EVL: variants seen among roughly 807,000 people sequenced by gnomAD.
EVL encodes Enah/Vasp-like.
EVL carries 21 observed loss-of-function variants against 59.6 expected under a neutral mutation model. That is an observed-to-expected ratio of 0.35 (90% CI 0.25 to 0.51). The LOEUF (loss-of-function observed/expected upper bound fraction) is 0.51, where lower values mean the gene tolerates loss of function less well. Among genes scored for constraint, EVL ranks in the 20% least tolerant of loss-of-function variants. The pLI, the probability that EVL is intolerant of heterozygous loss-of-function variation, is 0.97. For synonymous variants in EVL, 198 were observed against 203.5 expected, an observed-to-expected ratio of 0.97 and a Z score of 0.23; for missense variants, 462 against 546.6, an observed-to-expected ratio of 0.85 and a Z score of 1.54.
At position 100,129,584 on chromosome 14, in the gene EVL, T is replaced by C. The variant is rs779734142; in HGVS notation, c.739T>C (p.Ser247Pro). The change falls in exon 7 of 14, where the codon TCC becomes CCC. Residue 247 changes from serine to proline, a missense_variant. By Grantham distance (74) the Ser-to-Pro change is moderately conservative (BLOSUM62 -1). Coordinates refer to ENST00000392920, the MANE Select transcript of EVL (RefSeq NM_016337.3). ...VQRPEDASGG[S>P]SPSGTSKSDA... ...TCAGCCAGAAGACGCATCTGGAGGC[T>C]CCAGTCCCAGTGGGACCTCAAAGTC... The C allele has an allele frequency of 1.2e-6, 2 of 1,613,686 alleles. No individual in the cohort carries two copies. The highest frequency in any genetic ancestry group is 1.7e-6 in the Non-Finnish European group (2 of 1,179,942).
intron 1 of EVL, among the ~76,000 whole-genome samples, chr14:100,048,596 A>T (rs553944337): frequency 3.3e-5 from 5 of 152,218 alleles, no homozygotes; most frequent in Non-Finnish European, 5.9e-5. Context: ...TACAGTTAAC[A>T]TATAACCCAG....
chr14:100,033,132 A>G (rs752816326), intron 1 of EVL, among the ~76,000 whole-genome samples: 2 of 152,172 alleles, frequency 1.3e-5, no homozygotes. Context: ...CGGAAAGACT[A>G]AAAGGGCCGA....
At chr14:100,131,258 T>C in intron 7 of EVL, among the ~76,000 whole-genome samples, 1 of 152,212 alleles carries the variant, frequency 6.6e-6, no homozygotes, top group Non-Finnish European at 1.5e-5. Context: ...GAAGCACCTT[T>C]CTGTCTGAGA....
At chr14:100,073,075 C>T (rs558565397) in intron 1 of EVL, among the ~76,000 whole-genome samples, 16 of 152,246 alleles carry the variant, frequency 1.1e-4, no homozygotes, top group Admixed American at 3.9e-4. Context: ...GACATGGCAA[C>T]GTGGGTGTGC....
chr14:100,097,726 T>C, intron 3 of EVL, 68 bp downstream of exon 3: 1 of 1,470,198 alleles, frequency 6.8e-7, no homozygotes, highest in Non-Finnish European at 9.2e-7. Context: ...CTCCCACAGC[T>C]CTGGCTCTCC....
At chr14:100,091,117 T>C (rs1459672446) in intron 2 of EVL, among the ~76,000 whole-genome samples, 1 of 152,216 alleles carries the variant, frequency 6.6e-6, no homozygotes, top group African/African-American at 2.4e-5. Context: ...AGAGCCCTTA[T>C]TAGAATGTCG....
At chr14:99,976,984 T>C (rs1299440313) in intron 1 of EVL, 1 of 149,264 alleles carries the variant, frequency 6.7e-6, no homozygotes, top group African/African-American at 2.5e-5. Flanking sequence ...TGGAGGATTG[T>C]TCTGATTGTT....
chr14:100,142,581 A>T (rs541247250), intron 13 of EVL, among the ~76,000 whole-genome samples: 15 of 152,142 alleles, frequency 9.9e-5, no homozygotes, highest in Non-Finnish European at 1.9e-4. Context: ...ACCGGGGCAA[A>T]AGGGTCCCAC....
intron 1 of EVL, among the ~76,000 whole-genome samples, chr14:100,032,158 C>G (rs115541460): frequency 9.8e-4 from 149 of 152,282 alleles, no homozygotes; most frequent in African/African-American, 3.2e-3. Flanking sequence ...AAGAAGTGCA[C>G]TCAGTGATGA....
chr14:100,102,227 G>T, intron 3 of EVL: 1 of 455,690 alleles, frequency 2.2e-6, no homozygotes, highest in Non-Finnish European at 4.4e-6. Flanking sequence ...CAGTACCTTT[G>T]ACAAGTGCAG....
chr14:99,976,707 G>A (rs1294601157), intron 1 of EVL, among the ~76,000 whole-genome samples: 1 of 152,194 alleles, frequency 6.6e-6, no homozygotes, highest in Non-Finnish European at 1.5e-5. Flanking sequence ...TTCAGGGATT[G>A]AAATATCTCT....
At chr14:100,037,866 A>G (rs952681293) in intron 1 of EVL, among the ~76,000 whole-genome samples, 13 of 152,242 alleles carry the variant, frequency 8.5e-5, no homozygotes, top group Admixed American at 3.3e-4. Context: ...AGGGATACAA[A>G]TGGGATAGCT....
At chr14:100,096,166 G>T (rs542312778) in intron 2 of EVL, among the ~76,000 whole-genome samples, 17 of 152,210 alleles carry the variant, frequency 1.1e-4, no homozygotes, top group Non-Finnish European at 2.4e-4. Context: ...ACTCATGTTT[G>T]CTGTCCTCTG....
At chr14:100,080,589 A>T (rs1021665079) in intron 1 of EVL, among the ~76,000 whole-genome samples, 5 of 152,234 alleles carry the variant, frequency 3.3e-5, no homozygotes, top group Non-Finnish European at 7.3e-5. Flanking sequence ...TGACACACGG[A>T]GGGAAATTAC....
At chr14:100,082,175 C>A (rs190480602) in intron 1 of EVL, among the ~76,000 whole-genome samples, 1 of 151,680 alleles carries the variant, frequency 6.6e-6, no homozygotes, top group Non-Finnish European at 1.5e-5. Context: ...CCTGTCCCCC[C>A]CTCCCCCGCA....
intron 1 of EVL, chr14:100,019,636 A>G: frequency 6.5e-7 from 1 of 1,530,532 alleles, no homozygotes; most frequent in East Asian, 2.5e-5. Flanking sequence ...ACTACCACAC[A>G]ATCTAAGGAA....
chr14:99,984,432 C>T (rs777796441), intron 1 of EVL, among the ~76,000 whole-genome samples: 8 of 152,076 alleles, frequency 5.3e-5, no homozygotes, highest in Non-Finnish European at 1.5e-5. Context: ...CAGCCCCATC[C>T]CCAAGGATGA....
At chr14:100,096,660 G>C (rs866906243) in intron 2 of EVL, among the ~76,000 whole-genome samples, 15 of 152,196 alleles carry the variant, frequency 9.9e-5, no homozygotes, top group African/African-American at 3.1e-4. Context: ...TTTCCTCCAG[G>C]GCACGACTTA....
intron 1 of EVL, chr14:100,019,370 C>G (rs34365915): frequency 2.9e-5 from 11 of 376,846 alleles, no homozygotes; most frequent in Non-Finnish European, 4.7e-5. Flanking sequence ...ACTTCTTTCT[C>G]TAGACTAATC....
Sources: allele counts gnomAD v4.1 joint callset (sites outside exome capture counted in the v4.1 genomes callset), GRCh38; gene constraint gnomAD v4.1.1; transcripts MANE v1.5; gene names NCBI Gene and HGNC (gene_info 2026-07-23, HGNC 2026-07-21).